CKAP2L: variants seen among roughly 807,000 people sequenced by gnomAD.
CKAP2L encodes the protein cytoskeleton associated protein 2L.
Under a neutral mutation model 65.7 loss-of-function variants are expected in CKAP2L, and 42 were observed. That is an observed-to-expected ratio of 0.64 (90% CI 0.50 to 0.83). The LOEUF (loss-of-function observed/expected upper bound fraction) is 0.83, where lower values mean the gene tolerates loss of function less well. CKAP2L is among the 40% of genes least tolerant of loss of function. The pLI, the probability that CKAP2L is intolerant of heterozygous loss-of-function variation, is 0.00. For missense variants in CKAP2L, 908 were observed against 871.0 expected (o/e 1.04, Z -0.53); for synonymous variants, 325 against 313.5 (o/e 1.04, Z -0.39).
Position 112,738,916 on chromosome 2 carries a change from A to G in CKAP2L, c.2145T>C (p.Asp715=), listed in dbSNP as rs572275830. The G allele has an allele frequency of 6.2e-7, 1 of 1,614,126 alleles. No homozygotes were observed. The highest frequency in any genetic ancestry group is 1.3e-5 in the African/African-American group (1 of 75,054). The change falls in exon 9 of 9, where the codon GAT becomes GAC. Residue 715 remains aspartate, a synonymous_variant. Transcript: ENST00000302450. ...TTGTTTCTTCCACTTCTAACAGTTC[A>G]TCAAGAGAAGCCACTACTAAATCGT... ...QEHDLVVASL[D]ELLEVEETKC... is the part of the protein sequence containing the mutation.
intron 5 of CKAP2L, among the ~76,000 whole-genome samples, chr2:112,748,277 C>T (rs1448956545): frequency 1.3e-5 from 2 of 152,000 alleles, no homozygotes; most frequent in Non-Finnish European, 2.9e-5. Context: ...GTACAAGCTT[C>T]CAGAGAGGGG....
At chr2:112,744,254 A>G (rs1006483626) in intron 6 of CKAP2L, among the ~76,000 whole-genome samples, 5 of 152,254 alleles carry the variant, frequency 3.3e-5, no homozygotes, top group Non-Finnish European at 4.4e-5. Context: ...ACCACAAAAC[A>G]TAGGAGAGAA....
chr2:112,762,088 G>A (rs532839427), intron 2 of CKAP2L, among the ~76,000 whole-genome samples: 5 of 152,260 alleles, frequency 3.3e-5, no homozygotes, highest in African/African-American at 1.2e-4. Flanking sequence ...AAGAGCAGAG[G>A]GTATCACTCT....
rs1452505679 is a variant in CKAP2L, at chr2:112,756,034, A to G, written c.1337T>C (p.Val446Ala). The G allele has an allele frequency of 6.2e-7, 1 of 1,611,830 alleles. No homozygotes were observed. The highest frequency in any genetic ancestry group is 2.2e-5 in the East Asian group (1 of 44,892). The change falls in exon 4 of 9, where the codon GTA becomes GCA. Residue 446 changes from valine (V) to alanine (A), a missense_variant. Coordinates refer to ENST00000302450, the MANE Select transcript of CKAP2L (RefSeq NM_152515.5). ...APKTQADVTTVNGTQTNPNIK... is the reference protein window; with the variant it reads ...APKTQADVTTANGTQTNPNIK... ...ATTTGGGTTTGTTTGGGTCCCATTT[A>G]CGGTTGTGACATCAGCTTGAGTTTT...
In CKAP2L at chr2:112,740,777, T is replaced by C. The variant is rs368371042; in HGVS notation, c.2012+41A>G. ...GGAAAAATCGAGACTTGGACTAGAATTAAGTCTGTGAACACAAAGTCTGCT... is the reference window on the plus strand; with the variant it reads ...GGAAAAATCGAGACTTGGACTAGAACTAAGTCTGTGAACACAAAGTCTGCT... On this transcript the variant is annotated intron_variant, in intron 8 of 8. Transcript: ENST00000302450. The C allele has an allele frequency of 2.0e-6, 3 of 1,511,570 alleles. No homozygotes were observed. The African/African-American group carries it at 4.1e-5, about 21-fold the overall frequency. The allele number at this position is 1,511,570 out of a possible 1,614,324, so 93.6% of individuals were successfully genotyped here.
At chr2:112,744,360 G>A (rs1269435861) in intron 6 of CKAP2L, among the ~76,000 whole-genome samples, 1 of 152,124 alleles carries the variant, frequency 6.6e-6, no homozygotes, top group African/African-American at 2.4e-5. Flanking sequence ...CTGGCAGTGT[G>A]GCTAAGAAAC....
intron 5 of CKAP2L, among the ~76,000 whole-genome samples, chr2:112,749,007 A>G (rs1310225540): frequency 6.6e-6 from 1 of 152,272 alleles, no homozygotes; most frequent in Non-Finnish European, 1.5e-5. Flanking sequence ...AAACACAGAA[A>G]TGAGGAAAAA....
rs764243826 is a variant in CKAP2L at position 112,742,716 on chromosome 2, T to A, written c.1812A>T (p.Arg604Ser). The A allele has an allele frequency of 6.2e-7, 1 of 1,600,440 alleles. No individual in the cohort carries two copies. Among genetic ancestry groups the A allele is most frequent in the Admixed American group, 1.7e-5 (1 of 59,288 alleles). Residue 604 changes from arginine to serine, a missense_variant, in exon 7 of 9, where the codon AGA (arginine) becomes AGT (serine). Coordinates refer to ENST00000302450, the MANE Select transcript of CKAP2L (RefSeq NM_152515.5). ...VVLNILQDSN[R>S]TTEGITSDSL... ...CAAAAATAATAGTACCTTCTGTGGT[T>A]CTGTTTGAGTCTTGCAAGATATTAA...
chr2:112,755,583 G>C (rs574185152), intron 4 of CKAP2L, among the ~76,000 whole-genome samples: 1 of 152,194 alleles, frequency 6.6e-6, no homozygotes, highest in East Asian at 1.9e-4. Flanking sequence ...CCACTGGTTT[G>C]CTTGACAAGA....
At position 112,739,002 on chromosome 2, in the gene CKAP2L, C is replaced by T. The variant is rs1258220146; in HGVS notation, c.2059G>A (p.Val687Ile). The stretch of plus-strand genomic sequence containing the variant: ...CGCTCAATCCTCGACGAACGCCGTA[C>T]AGGAGTGATAAATTTCATGTCTTGC... ...EVQDMKFITP[V>I]RRSSRIERAV... is the part of the protein sequence containing the mutation. Residue 687 changes from valine to isoleucine, a missense_variant, in exon 9 of 9, where the codon GTA (valine) becomes ATA (isoleucine). By Grantham distance (29) the Val-to-Ile change is conservative (BLOSUM62 3). Transcript: ENST00000302450. The T allele has an allele frequency of 6.2e-7, 1 of 1,614,172 alleles. No individual in the cohort carries two copies. The highest frequency in any genetic ancestry group is 8.5e-7 in the Non-Finnish European group (1 of 1,180,028).
At chr2:112,750,294 T>C (rs955608162) in intron 5 of CKAP2L, among the ~76,000 whole-genome samples, 1 of 152,216 alleles carries the variant, frequency 6.6e-6, no homozygotes, top group Non-Finnish European at 1.5e-5. Context: ...CAGCATCTTG[T>C]GCACACAGGC....
Position 112,757,385 on chromosome 2 carries a change from GTT to G in CKAP2L, c.157-173_157-172del, listed in dbSNP as rs11311328. Among the ~76,000 whole-genome samples, 1,222 of 87,490 alleles carry G rather than the reference GTT, an allele frequency of 0.014. 14 individuals are homozygous for G. The highest frequency in any genetic ancestry group is 0.058 in the African/African-American group (1,121 of 19,362). The allele number at this position is 87,490 out of a possible 152,430, so 57.4% of individuals were successfully genotyped here. ...AGACTCACTAATAGGTAGTTTTTGT[GTT>G]TTTTTTTTTTTTTTTTTTTTGAGAC... On this transcript the variant is annotated intron_variant, in intron 3 of 8. Coordinates refer to ENST00000302450, the MANE Select transcript of CKAP2L (RefSeq NM_152515.5).
At chr2:112,755,304 C>T (rs1680496195) in intron 4 of CKAP2L, among the ~76,000 whole-genome samples, 1 of 152,110 alleles carries the variant, frequency 6.6e-6, no homozygotes, top group African/African-American at 2.4e-5. Context: ...CCACGCCTGG[C>T]TAATTTTGTA....
intron 3 of CKAP2L, 51 bp from the exon 4 acceptor site, chr2:112,757,265 G>A (rs766253862): frequency 5.6e-6 from 7 of 1,250,588 alleles, no homozygotes; most frequent in Non-Finnish European, 6.6e-6. Context: ...ATATCTTATT[G>A]TTTTTAAAAT....
chr2:112,736,540 C>G lies in CKAP2L; in HGVS notation c.*2283G>C, dbSNP rs1013127535. The G allele has an allele frequency of 6.6e-6, 1 of 152,266 alleles. No homozygotes were observed. The highest frequency in any genetic ancestry group is 2.4e-5 in the African/African-American group (1 of 41,542). The allele number at this position is 152,266 out of a possible 1,614,324, so 9.4% of individuals were successfully genotyped here. ...TAATACAATTGTATTAACTTTAGCC[C>G]TATCTCTAGACTTGTTCATTTTATC... On this transcript the variant is annotated 3_prime_UTR_variant, in exon 9 of 9. Coordinates refer to ENST00000302450, the MANE Select transcript of CKAP2L (RefSeq NM_152515.5).
rs1403014612 is a variant in CKAP2L at position 112,738,257 on chromosome 2, C to T, written c.*566G>A. 6.6e-6 allele frequency: 1 copy of T among 152,382 alleles called. No homozygotes were observed. The highest frequency in any genetic ancestry group is 1.5e-5 in the Non-Finnish European group (1 of 68,206). The allele number at this position is 152,382 out of a possible 1,614,324, so 9.4% of individuals were successfully genotyped here. On this transcript the variant is annotated 3_prime_UTR_variant, in exon 9 of 9. Coordinates refer to ENST00000302450, the MANE Select transcript of CKAP2L (RefSeq NM_152515.5). ...CTGAGGAGACCTGGCATAGAAAAAA[C>T]AAGAATTCTCTCTCATTTACAAGGA... is the stretch of plus-strand genomic sequence containing the variant.
In CKAP2L at chr2:112,757,181, C is replaced by T. The variant is rs1303751909; in HGVS notation, c.190G>A (p.Val64Ile). The T allele has an allele frequency of 6.2e-7, 1 of 1,611,826 alleles. No individual in the cohort carries two copies. Among genetic ancestry groups the T allele is most frequent in the South Asian group, 1.1e-5 (1 of 90,792 alleles). The change falls in exon 4 of 9, where the codon GTT becomes ATT. Residue 64 changes from valine to isoleucine, a missense_variant. Coordinates refer to ENST00000302450, the MANE Select transcript of CKAP2L (RefSeq NM_152515.5). ...IRPKNDVTNH[V>I]VLPVKPKRSI... is the part of the protein sequence containing the mutation. ...CTTTTAGGTTTGACAGGCAAAACAA[C>T]ATGGTTGGTAACATCATTTTTGGGT...
At chr2:112,754,598 GACTC>G (rs972286133) in intron 4 of CKAP2L, among the ~76,000 whole-genome samples, 1 of 152,194 alleles carries the variant, frequency 6.6e-6, no homozygotes, top group Non-Finnish European at 1.5e-5. Flanking sequence ...GAAAGGTAAA[GACTC>G]ACTGTGTGCT....
Position 112,756,309 on chromosome 2 carries a change from A to G in CKAP2L, c.1062T>C (p.Asp354=). The change falls in exon 4 of 9, where the codon GAT becomes GAC. Residue 354 remains aspartate, a synonymous_variant. Coordinates refer to ENST00000302450, the MANE Select transcript of CKAP2L (RefSeq NM_152515.5). The stretch of plus-strand genomic sequence containing the variant: ...GTATACAAACTTGGCTGGACTTCTG[A>G]TCTTGCTTGATGTTTGGATGTCTGT... The part of the protein sequence containing the change: ...YNNRHPNIKQ[D]QKSSQVCIPQ... 2 of 1,613,802 alleles carry G rather than the reference A, an allele frequency of 1.2e-6. No individual in the cohort carries two copies. Among genetic ancestry groups the G allele is most frequent in the Non-Finnish European group, 1.7e-6 (2 of 1,179,900 alleles).
Sources: gnomAD v4.1 joint callset for allele counts (sites outside exome capture counted in the v4.1 genomes callset) on GRCh38, gnomAD v4.1.1 for gene constraint, MANE v1.5 for transcripts, NCBI Gene and HGNC (gene_info 2026-07-23, HGNC 2026-07-21) for gene names.